Variants in DENND5B observed in about 807,000 individuals in gnomAD.
The protein encoded by DENND5B is DENN domain-containing protein 5B.
In DENND5B, 34 loss-of-function variants were observed where a neutral mutation model predicts 140.6. That is an observed-to-expected ratio of 0.24 (90% CI 0.18 to 0.32). DENND5B has a LOEUF of 0.32. Ranked by LOEUF, DENND5B falls within the 10% of genes least tolerant of loss-of-function variation. The pLI is 1.00. For missense variants in DENND5B, 1,142 were observed against 1,560.2 expected, an observed-to-expected ratio of 0.73 and a Z score of 4.52; for synonymous variants, 551 against 562.1, an observed-to-expected ratio of 0.98 and a Z score of 0.28.
At chr12:31,542,422 T>A (rs763026998) in intron 1 of DENND5B, among the ~76,000 whole-genome samples, 37 of 151,992 alleles carry the variant, frequency 2.4e-4, no homozygotes, top group Admixed American at 4.6e-4. Context: ...AAAAACAGAA[T>A]GAATAAGACC....
At chr12:31,449,359 A>C (rs1944408182) in intron 5 of DENND5B, among the ~76,000 whole-genome samples, 1 of 152,216 alleles carries the variant, frequency 6.6e-6, no homozygotes. Context: ...AGAAAGATTC[A>C]CAGTAGTCTA....
intron 2 of DENND5B, among the ~76,000 whole-genome samples, chr12:31,494,187 T>TCCACCCACCCACCCACCCAC (rs1565635376): frequency 2.8e-5 from 2 of 70,814 alleles, no homozygotes; most frequent in African/African-American, 5.0e-5. Context: ...TATCTATCCA[T>TCCACCCACCCACCCACCCAC]CCATCCATCC....
intron 1 of DENND5B, among the ~76,000 whole-genome samples, chr12:31,550,750 C>T (rs11051458): frequency 0.078 from 11,781 of 152,006 alleles, 1,039 homozygotes; most frequent in African/African-American, 0.22. Flanking sequence ...TTTTAATGAT[C>T]GCCATTCCAA....
chr12:31,531,946 C>T lies in DENND5B; in HGVS notation c.128-36027G>A, dbSNP rs570004804. On this transcript the variant is annotated intron_variant, in intron 1 of 20. Coordinates refer to ENST00000389082, the MANE Select transcript of DENND5B (RefSeq NM_144973.4). The stretch of plus-strand genomic sequence containing the variant: ...AGAATTACTTCACTTACTCAGGTAA[C>T]GTTTATGGAGCCATTTCACTGTGCT... Among the ~76,000 whole-genome samples, 186 of 152,138 alleles carry T rather than the reference C, an allele frequency of 1.2e-3. 3 individuals are homozygous for T. The South Asian group carries it at 0.037, about 30-fold the overall frequency.
chr12:31,576,405 G>A (rs867548912), intron 1 of DENND5B, among the ~76,000 whole-genome samples: 18 of 144,038 alleles, frequency 1.2e-4, no homozygotes, highest in Middle Eastern at 8.9e-3. Context: ...GCAGTGAGCC[G>A]TGATCATGCC....
chr12:31,590,352 G>A (rs906526348), intron 1 of DENND5B: 3 of 162,130 alleles, frequency 1.9e-5, no homozygotes, highest in Non-Finnish European at 1.3e-5. Flanking sequence ...CAGGCACGGC[G>A]GTCGGGGGGC....
intron 5 of DENND5B, among the ~76,000 whole-genome samples, chr12:31,449,417 A>G (rs1426170793): frequency 6.6e-6 from 1 of 152,164 alleles, no homozygotes. Context: ...TCATACATCA[A>G]ATAGCCTTTT....
chr12:31,390,407 G>C (rs1385591080), intron 19 of DENND5B, among the ~76,000 whole-genome samples: 1 of 152,100 alleles, frequency 6.6e-6, no homozygotes, highest in Non-Finnish European at 1.5e-5. Flanking sequence ...GGGAGGCCAA[G>C]GCGGGCAGAT....
At chr12:31,561,424 G>C (rs992592120) in intron 1 of DENND5B, among the ~76,000 whole-genome samples, 2 of 152,150 alleles carry the variant, frequency 1.3e-5, no homozygotes, top group African/African-American at 4.8e-5. Context: ...GGAAGTTCAA[G>C]AACAGTCTGG....
At chr12:31,468,841 A>G (rs1945404640) in intron 3 of DENND5B, among the ~76,000 whole-genome samples, 2 of 151,828 alleles carry the variant, frequency 1.3e-5, no homozygotes, top group Non-Finnish European at 2.9e-5. Flanking sequence ...AGGAAGTAAT[A>G]TAATTGACAA....
At chr12:31,515,226 G>A (rs890541671) in intron 1 of DENND5B, among the ~76,000 whole-genome samples, 2 of 152,170 alleles carry the variant, frequency 1.3e-5, no homozygotes, top group African/African-American at 4.8e-5. Context: ...GATCACATGA[G>A]CCCATAAGTT....
intron 8 of DENND5B, among the ~76,000 whole-genome samples, chr12:31,431,390 G>C (rs1943502036): frequency 6.6e-6 from 1 of 152,202 alleles, no homozygotes; most frequent in Non-Finnish European, 1.5e-5. Flanking sequence ...CAAGTGAACA[G>C]TGGTTAGTGC....
intron 5 of DENND5B, among the ~76,000 whole-genome samples, chr12:31,450,288 G>C (rs1489696887): frequency 6.6e-6 from 1 of 152,134 alleles, no homozygotes; most frequent in Non-Finnish European, 1.5e-5. Flanking sequence ...GAAAAACAAA[G>C]AACACCAGAA....
At chr12:31,427,865 T>C (rs1049127710) in intron 8 of DENND5B, among the ~76,000 whole-genome samples, 3 of 152,066 alleles carry the variant, frequency 2.0e-5, no homozygotes, top group African/African-American at 7.2e-5. Context: ...TAAAAGAAGA[T>C]GTGTAAAATC....
intron 3 of DENND5B, among the ~76,000 whole-genome samples, chr12:31,470,762 G>A (rs1945520832): frequency 6.6e-6 from 1 of 152,132 alleles, no homozygotes; most frequent in African/African-American, 2.4e-5. Flanking sequence ...GTGTTGGGGA[G>A]GAAAGACTCT....
chr12:31,384,329 A>C lies in DENND5B; in HGVS notation c.*3274T>G, dbSNP rs1207029143. The C allele has an allele frequency of 6.6e-6, 1 of 152,112 alleles. No individual in the cohort carries two copies. The allele number at this position is 152,112 out of a possible 1,614,324, so 9.4% of individuals were successfully genotyped here. On this transcript the variant is annotated 3_prime_UTR_variant, in exon 21 of 21. Coordinates refer to ENST00000389082, the MANE Select transcript of DENND5B (RefSeq NM_144973.4). ...TGTACTGCCATGCCCAACATGTCTTATTTCTTTATAACTGCACTTCTTATG... is the reference window on the plus strand; with the variant it reads ...TGTACTGCCATGCCCAACATGTCTTCTTTCTTTATAACTGCACTTCTTATG...
intron 17 of DENND5B, among the ~76,000 whole-genome samples, chr12:31,397,621 T>C (rs1009719016): frequency 1.1e-4 from 17 of 150,112 alleles, no homozygotes; most frequent in Non-Finnish European, 1.9e-4. Context: ...ACTATTATTA[T>C]TTCTCTTTTA....
chr12:31,483,117 T>C (rs1337077208), intron 2 of DENND5B, among the ~76,000 whole-genome samples: 1 of 152,210 alleles, frequency 6.6e-6, no homozygotes, highest in African/African-American at 2.4e-5. Context: ...ACATGACTCA[T>C]TCCTTGTGGC....
intron 2 of DENND5B, among the ~76,000 whole-genome samples, chr12:31,484,041 C>T (rs555196689): frequency 4.6e-5 from 7 of 151,056 alleles, no homozygotes; most frequent in South Asian, 4.2e-4. Context: ...TTAGTAGAGA[C>T]GGGGTTTCAC....
Sources: allele counts gnomAD v4.1 joint callset (sites outside exome capture counted in the v4.1 genomes callset), GRCh38; gene constraint gnomAD v4.1.1; transcripts MANE v1.5; gene names NCBI Gene and HGNC (gene_info 2026-07-23, HGNC 2026-07-21).